The following SEPTIN4 variants were observed in gnomAD, a reference collection of about 807,000 sequenced individuals.
SEPTIN4 encodes the protein septin 4.
SEPTIN4 carries 52 observed loss-of-function variants against 107.1 expected under a neutral mutation model. The observed-to-expected ratio is 0.49, with a 90% CI of 0.39 to 0.61. The LOEUF is 0.61. SEPTIN4 is among the 20% of genes least tolerant of loss of function. The pLI, the probability that SEPTIN4 is intolerant of heterozygous loss-of-function variation, is 0.00. For missense variants in SEPTIN4, 1,048 were observed against 1,243.5 expected (o/e 0.84, Z 2.36); for synonymous variants, 417 against 467.0 (o/e 0.89, Z 1.38).
chr17:58,526,573 A>AC (rs2042911040), intron 4 of SEPTIN4, 109 bp downstream of exon 4: 574 of 1,303,606 alleles, frequency 4.4e-4, no homozygotes, highest in African/African-American at 3.2e-3. Flanking sequence ...CACACACACA[A>AC]ACACACACAC....
In SEPTIN4 at chr17:58,538,659, T is replaced by C. The variant is rs1414323934; in HGVS notation, c.1614+2007A>G. Among the ~76,000 whole-genome samples the C allele has an allele frequency of 2.0e-5, 3 of 152,152 alleles. 1 individual carries two copies. Among genetic ancestry groups the C allele is most frequent in the Non-Finnish European group, 4.4e-5 (3 of 68,022 alleles). ...CCCAAAAAAAACCCATCAGGAATGC[T>C]TCCCTTAGTCCAGCATAACCTCCTC... On this transcript the variant is annotated intron_variant, in intron 3 of 13. Transcript: ENST00000672673. The surrounding 1 kb of genome is among the most constrained non-coding windows in gnomAD (Gnocchi z 4.7).
chr17:58,524,290 G>A, intron 7 of SEPTIN4, among the ~76,000 whole-genome samples: 1 of 152,162 alleles, frequency 6.6e-6, no homozygotes, highest in East Asian at 1.9e-4. Context: ...CCGAATGATA[G>A]GGGGTTGTGG....
chr17:58,526,471 T>C (rs1297224870), intron 4 of SEPTIN4, 158 bp from the exon 5 acceptor site: 3 of 1,393,760 alleles, frequency 2.2e-6, no homozygotes, highest in Non-Finnish European at 2.8e-6. Flanking sequence ...CTGGGCCTCC[T>C]GCCCTTGCTG....
Position 58,521,073 on chromosome 17 carries a change from T to TC in SEPTIN4, c.2755dup (p.Glu919GlyfsTer5). On this transcript the variant is annotated frameshift_variant, in exon 12 of 14. Coordinates refer to ENST00000672673, the MANE Select transcript of SEPTIN4 (RefSeq NM_001368771.2). LOFTEE classifies it high-confidence loss of function. This position sits in a 1 kb window ranked among gnomAD's most constrained non-coding sequence, Gnocchi z 6.4. Reference sequence around the variant, plus strand: ...TGCCCGGTAGTTCTCATAATGTGTCTCCCGTGTCACATCCTTCAGGTCCTG... The same window carrying TC: ...TGCCCGGTAGTTCTCATAATGTGTCTCCCCGTGTCACATCCTTCAGGTCCTG... 1 of 1,614,156 alleles carries TC rather than the reference T, an allele frequency of 6.2e-7. No homozygotes were observed. The highest frequency in any genetic ancestry group is 8.5e-7 in the Non-Finnish European group (1 of 1,180,022).
At chr17:58,520,975 T>G in intron 12 of SEPTIN4, 23 bp downstream of exon 12, 1 of 1,613,522 alleles carries the variant, frequency 6.2e-7, no homozygotes, top group South Asian at 1.1e-5. Context: ...CCCTGCCAGC[T>G]TTGTCCTGGC....
chr17:58,522,111 G>A lies in SEPTIN4; in HGVS notation c.2217-10C>T, dbSNP rs1334383616. ...TGCCACAGGCTTCCAGCTGGGGCAGGGACAGACAAGCAGAGAAACTGTGAG... is the reference window on the plus strand; with the variant it reads ...TGCCACAGGCTTCCAGCTGGGGCAGAGACAGACAAGCAGAGAAACTGTGAG... On this transcript the variant is annotated splice_polypyrimidine_tract_variant and intron_variant, in intron 7 of 13. Coordinates refer to ENST00000672673, the MANE Select transcript of SEPTIN4 (RefSeq NM_001368771.2). The A allele has an allele frequency of 6.2e-7, 1 of 1,613,994 alleles. No individual in the cohort carries two copies. The highest frequency in any genetic ancestry group is 8.5e-7 in the Non-Finnish European group (1 of 1,179,950).
Position 58,526,830 on chromosome 17 carries a change from T to G in SEPTIN4, c.1763A>C (p.Asp588Ala). ...GAACTCCAGGTCATCATCATAGAGGTCCGGGGCCTGGGGCCTTGGCTCCGG... is the reference window on the plus strand; with the variant it reads ...GAACTCCAGGTCATCATCATAGAGGGCCGGGGCCTGGGGCCTTGGCTCCGG... ...QVPEPRPQAP[D>A]LYDDDLEFRP... is the part of the protein sequence containing the mutation. The change falls in exon 4 of 14, where the codon GAC (aspartate) becomes GCC (alanine). Residue 588 changes from aspartate to alanine, a missense_variant. This residue lies in a region of SEPTIN4 where 787 missense variants were observed against 871.8 expected (regional missense o/e 0.90). Transcript: ENST00000672673. 1 of 1,613,534 alleles carries G rather than the reference T, an allele frequency of 6.2e-7. No homozygotes were observed. Among genetic ancestry groups the G allele is most frequent in the East Asian group, 2.2e-5 (1 of 44,846 alleles).
rs1231254710 is a variant in SEPTIN4, at chr17:58,539,125, GAGA to G, written c.1614+1538_1614+1540del. The G allele has an allele frequency of 2.2e-5, 34 of 1,532,858 alleles. No homozygotes were observed. In the Admixed American group the frequency reaches 5.1e-4, roughly 23 times the overall value. The allele number at this position is 1,532,858 out of a possible 1,614,324, so 95.0% of individuals were successfully genotyped here. A position where few individuals can be genotyped will look rare whatever the true frequency, so the allele number is the denominator to read the frequency against. On this transcript the variant is annotated intron_variant, in intron 3 of 13. Transcript: ENST00000672673. ...ATGCCATCCTACCTCCAGAGAGTCA[GAGA>G]AGACCAGCAGCCCAGCTGCTTGGGA... is the stretch of plus-strand genomic sequence containing the variant.
intron 3 of SEPTIN4, among the ~76,000 whole-genome samples, chr17:58,539,699 G>C (rs1162839568): frequency 6.6e-6 from 1 of 152,154 alleles, no homozygotes; most frequent in Non-Finnish European, 1.5e-5. Context: ...GTGCCTAGCA[G>C]AGTGCTAGGC....
intron 3 of SEPTIN4, among the ~76,000 whole-genome samples, chr17:58,535,580 CTG>C (rs2043683599): frequency 6.6e-6 from 1 of 152,238 alleles, no homozygotes; most frequent in East Asian, 1.9e-4. Flanking sequence ...GAGCCAAAAT[CTG>C]TCTTTCCCTG....
In SEPTIN4 at chr17:58,525,749, T is replaced by C. The variant is rs750561884; in HGVS notation, c.2038A>G (p.Asn680Asp). The change falls in exon 6 of 14, where the codon AAT (asparagine) becomes GAT (aspartate). Residue 680 changes from asparagine to aspartate, a missense_variant. Around this residue, in one of 2 missense-constraint regions of SEPTIN4, gnomAD observed 787 missense variants for 871.8 expected, o/e 0.90. Coordinates refer to ENST00000672673, the MANE Select transcript of SEPTIN4 (RefSeq NM_001368771.2). ...TACAGATCAGTGAGGAAGAGGCTAT[T>C]GACAAGTGTGGATTTGCCCAGGCCA... ...ESGLGKSTLVNSLFLTDLYRD... is the reference protein window; with the variant it reads ...ESGLGKSTLVDSLFLTDLYRD... 6.2e-6 allele frequency: 10 copies of C among 1,613,996 alleles called. No homozygotes were observed. The highest frequency in any genetic ancestry group is 1.7e-5 in the Admixed American group (1 of 60,002).
chr17:58,526,221 T>C lies in SEPTIN4; in HGVS notation c.2004A>G (p.Ala668=). The change falls in exon 5 of 14, where the codon GCA becomes GCG. Residue 668 remains alanine, a splice_region_variant and synonymous_variant. Transcript: ENST00000672673. ...AACCCAGCCCTGCCCCTTTTTTACCTGCCACCATGAGGGTAAAGTCAAAGC... is the reference window on the plus strand; with the variant it reads ...AACCCAGCCCTGCCCCTTTTTTACCCGCCACCATGAGGGTAAAGTCAAAGC... The part of the protein sequence containing the change: ...KKGFDFTLMV[A]GESGLGKSTL... 1.3e-6 allele frequency: 2 copies of C among 1,587,812 alleles called. No homozygotes were observed. Among genetic ancestry groups the C allele is most frequent in the Non-Finnish European group, 1.7e-6 (2 of 1,167,704 alleles).
chr17:58,522,134 G>T (rs1451249389), intron 7 of SEPTIN4, 33 bp from the exon 8 acceptor site: 1 of 1,612,666 alleles, frequency 6.2e-7, no homozygotes, highest in African/African-American at 1.3e-5. Flanking sequence ...GAGAAACTGT[G>T]AGAGTGGGAG....
At position 58,525,262 on chromosome 17, in the gene SEPTIN4, C is replaced by T. The variant is rs147243438; in HGVS notation, c.2093-61G>A. On this transcript the variant is annotated intron_variant, in intron 6 of 13. Transcript: ENST00000672673. Reference sequence around the variant, plus strand: ...AGGGACCTGCCCAGTCAGGATGAACCGCCCACCCCAACCAGCCTTGTTGCT... The same window carrying T: ...AGGGACCTGCCCAGTCAGGATGAACTGCCCACCCCAACCAGCCTTGTTGCT... 9.2e-4 allele frequency: 1,467 copies of T among 1,594,238 alleles called. 2 individuals carry two copies. The highest frequency in any genetic ancestry group is 1.1e-3 in the Non-Finnish European group (1,342 of 1,172,020).
rs1432336823 is a variant in SEPTIN4, at chr17:58,543,536, T to C, written c.651A>G (p.Arg217=). ...CTAGGAGAGAGGGACTCCTTGGAGA[T>C]CTGATCTCACTAGTAGTCGTAATTC... is the stretch of plus-strand genomic sequence containing the variant. The part of the protein sequence containing the change: ...IQRITTTSEI[R]SPRSPSLLEH... Residue 217 remains arginine, a synonymous_variant, in exon 1 of 14, where the codon AGA becomes AGG. Transcript: ENST00000672673. 3 of 1,614,182 alleles carry C rather than the reference T, an allele frequency of 1.9e-6. No homozygotes were observed. Among genetic ancestry groups the C allele is most frequent in the Middle Eastern group, 1.6e-4 (1 of 6,062 alleles).
intron 2 of SEPTIN4, 45 bp downstream of exon 2, chr17:58,541,877 C>G: frequency 6.2e-7 from 1 of 1,614,136 alleles, no homozygotes; most frequent in African/African-American, 1.3e-5. Context: ...GTCCTCCCAT[C>G]CCCCAAGCTC....
Position 58,525,703 on chromosome 17 carries a change from C to T in SEPTIN4, c.2084G>A (p.Gly695Asp), listed in dbSNP as rs774067837. 48 of 1,613,996 alleles carry T rather than the reference C, an allele frequency of 3.0e-5. No individual in the cohort carries two copies. The highest frequency in any genetic ancestry group is 3.8e-5 in the Non-Finnish European group (45 of 1,179,962). ...TDLYRDRKLLGAEERIMQTVE... is the reference protein window; with the variant it reads ...TDLYRDRKLLDAEERIMQTVE... The stretch of plus-strand genomic sequence containing the variant: ...TCCTCTCCTTTCCTTACCTTCAGCA[C>T]CAAGAAGTTTCCGGTCCCGGTACAG... The change falls in exon 6 of 14, where the codon GGT becomes GAT. Residue 695 changes from glycine to aspartate, a missense_variant. Physicochemically the swap from Gly to Asp is moderately conservative, Grantham distance 94 (BLOSUM62 -1). Coordinates refer to ENST00000672673, the MANE Select transcript of SEPTIN4 (RefSeq NM_001368771.2).
chr17:58,525,587 T>C, intron 6 of SEPTIN4, 108 bp downstream of exon 6: 1 of 978,380 alleles, frequency 1.0e-6, no homozygotes, highest in South Asian at 1.4e-5. Flanking sequence ...TCAGTCTCTC[T>C]AGGAGGCCAT....
intron 3 of SEPTIN4, among the ~76,000 whole-genome samples, chr17:58,535,889 AT>A (rs1337943636): frequency 6.6e-6 from 1 of 152,146 alleles, no homozygotes; most frequent in Non-Finnish European, 1.5e-5. Flanking sequence ...TTCCATTCTG[AT>A]TTTAGAGCCC....
Sources: allele counts gnomAD v4.1 joint callset (sites outside exome capture counted in the v4.1 genomes callset), GRCh38; gene constraint gnomAD v4.1.1; regional missense constraint gnomAD v4.1.1; non-coding constraint Gnocchi (gnomAD v3.1); transcripts MANE v1.5; gene names NCBI Gene and HGNC (gene_info 2026-07-23, HGNC 2026-07-21).